MED13L: variants seen among roughly 807,000 people sequenced by gnomAD.
The protein encoded by MED13L is mediator of RNA polymerase II transcription subunit 13-like.
Under a neutral mutation model 220.9 loss-of-function variants are expected in MED13L, and 7 were observed. The ratio of observed to expected loss-of-function variants is 0.03; its 90% CI spans 0.02 to 0.06. MED13L has a LOEUF of 0.06. Ranked by LOEUF, MED13L falls within the 10% of genes least tolerant of loss-of-function variation. MED13L has a pLI of 1.00. For synonymous variants in MED13L, 1,011 were observed against 1,015.2 expected (o/e 1.00, Z 0.08); for missense variants, 1,965 against 2,760.5 (o/e 0.71, Z 6.46).
intron 2 of MED13L, among the ~76,000 whole-genome samples, chr12:116,193,126 C>T (rs954329589): frequency 6.6e-6 from 1 of 151,954 alleles, no homozygotes; most frequent in African/African-American, 2.4e-5. Flanking sequence ...AAGACGCCTT[C>T]TCAAAAAGAA....
chr12:116,130,028 T>C (rs1229424825), intron 2 of MED13L, among the ~76,000 whole-genome samples: 1 of 152,244 alleles, frequency 6.6e-6, no homozygotes, highest in African/African-American at 2.4e-5. Context: ...TCAATGCTTT[T>C]GTCTAAAAGA....
intron 22 of MED13L, among the ~76,000 whole-genome samples, chr12:115,981,163 G>C (rs1218676840): frequency 6.6e-6 from 1 of 152,120 alleles, no homozygotes; most frequent in Non-Finnish European, 1.5e-5. Context: ...AAAGATGTAC[G>C]ATTATGTTGG....
intron 4 of MED13L, among the ~76,000 whole-genome samples, chr12:116,073,235 T>C (rs1870524385): frequency 6.6e-6 from 1 of 152,196 alleles, no homozygotes; most frequent in Admixed American, 6.5e-5. Context: ...ACTTAAATCA[T>C]GGAAGGCAAT....
chr12:116,092,386 G>A (rs905613039), intron 4 of MED13L, among the ~76,000 whole-genome samples: 12 of 152,200 alleles, frequency 7.9e-5, no homozygotes, highest in African/African-American at 2.9e-4. Flanking sequence ...GAGGAGGATG[G>A]AGAGAAGGCG....
chr12:116,172,857 GC>G (rs1879777872), intron 2 of MED13L, among the ~76,000 whole-genome samples: 2 of 148,430 alleles, frequency 1.3e-5, no homozygotes. Context: ...CATCCTTCCT[GC>G]CACAGTGTCT....
chr12:116,226,030 A>C (rs1447549353), intron 2 of MED13L, among the ~76,000 whole-genome samples: 1 of 151,714 alleles, frequency 6.6e-6, no homozygotes, highest in Non-Finnish European at 1.5e-5. Flanking sequence ...TTTCAACACA[A>C]AGCCACTTCA....
chr12:116,258,732 C>CA (rs1872258092), intron 1 of MED13L, among the ~76,000 whole-genome samples: 1 of 146,738 alleles, frequency 6.8e-6, no homozygotes, highest in South Asian at 2.2e-4. Flanking sequence ...AGCGAGATTA[C>CA]ACCACTGCAC....
intron 3 of MED13L, among the ~76,000 whole-genome samples, chr12:116,101,566 T>C (rs1296650948): frequency 6.6e-6 from 1 of 152,224 alleles, no homozygotes; most frequent in East Asian, 1.9e-4. Flanking sequence ...ATTTCAATTC[T>C]TTATAGCCCA....
At chr12:116,049,684 T>C (rs1016091901) in intron 4 of MED13L, among the ~76,000 whole-genome samples, 3 of 152,176 alleles carry the variant, frequency 2.0e-5, no homozygotes, top group Non-Finnish European at 2.9e-5. Context: ...AAATATAACA[T>C]GCATGGACAT....
intron 30 of MED13L, among the ~76,000 whole-genome samples, chr12:115,961,972 A>C (rs888681632): frequency 1.3e-5 from 2 of 152,196 alleles, no homozygotes; most frequent in Non-Finnish European, 2.9e-5. Context: ...CTCCAAAAAA[A>C]AAAGAAAAAG....
chr12:116,018,161 A>T (rs1319496821), intron 7 of MED13L, among the ~76,000 whole-genome samples: 11 of 152,208 alleles, frequency 7.2e-5, no homozygotes, highest in Admixed American at 7.2e-4. Flanking sequence ...ACGGTAAAGT[A>T]TGTATTTATC....
At chr12:116,208,581 C>A (rs1341438742) in intron 2 of MED13L, among the ~76,000 whole-genome samples, 1 of 152,184 alleles carries the variant, frequency 6.6e-6, no homozygotes, top group Non-Finnish European at 1.5e-5. Flanking sequence ...CTATTTAAAT[C>A]ACACCTGTCA....
At position 115,966,390 on chromosome 12, in the gene MED13L, A is replaced by G; in HGVS notation, c.6226-147T>C. 4.4e-6 allele frequency: 4 copies of G among 901,480 alleles called. No homozygotes were observed. In the Admixed American group the frequency reaches 6.1e-5, roughly 14 times the overall value. The allele number at this position is 901,480 out of a possible 1,614,324, so 55.8% of individuals were successfully genotyped here. On this transcript the variant is annotated intron_variant, in intron 28 of 30. Transcript: ENST00000281928. ...AAACAACAGGTGACTGAGAAAGGTA[A>G]GCGGGGCCAGCATCGTCTTTGCTGC...
At chr12:116,163,410 G>A (rs941024394) in intron 2 of MED13L, among the ~76,000 whole-genome samples, 3 of 144,704 alleles carry the variant, frequency 2.1e-5, no homozygotes, top group African/African-American at 5.2e-5. Flanking sequence ...TGTCACCCAC[G>A]CTGGAGGGCA....
rs576460925 is a variant in MED13L, at chr12:115,988,527, C to T, written c.3935-1239G>A. On this transcript the variant is annotated intron_variant, in intron 17 of 30. Transcript: ENST00000281928. ...ATATAGTAAACAACAACAGTGAATACTTCTTGTATTAATGGCTCTATCAAA... is the reference window on the plus strand; with the variant it reads ...ATATAGTAAACAACAACAGTGAATATTTCTTGTATTAATGGCTCTATCAAA... Among the ~76,000 whole-genome samples, 8 of 152,292 alleles carry T rather than the reference C, an allele frequency of 5.3e-5. No individual in the cohort carries two copies. The East Asian group carries it at 1.5e-3, about 29-fold the overall frequency.
At chr12:116,114,493 TC>T (rs1016327986) in intron 2 of MED13L, among the ~76,000 whole-genome samples, 2 of 152,132 alleles carry the variant, frequency 1.3e-5, no homozygotes, top group African/African-American at 4.8e-5. Flanking sequence ...ACTTTCTTCT[TC>T]AAACAAACAA....
At chr12:116,149,798 A>G (rs1196859830) in intron 2 of MED13L, among the ~76,000 whole-genome samples, 2 of 152,230 alleles carry the variant, frequency 1.3e-5, no homozygotes, top group Non-Finnish European at 2.9e-5. Flanking sequence ...GAGATGAGTA[A>G]GTGGACATTA....
intron 3 of MED13L, among the ~76,000 whole-genome samples, chr12:116,106,763 T>C (rs1448006414): frequency 6.6e-6 from 1 of 151,370 alleles, no homozygotes; most frequent in African/African-American, 2.4e-5. Context: ...GGTGAATCGC[T>C]TGAAACCGAG....
chr12:116,107,026 C>T lies in MED13L; in HGVS notation c.395+4402G>A, dbSNP rs558386395. ...TTGAGCTCTTACAATGAGAAAGGTA[C>T]TGTGCTGAGCCAAAGAACCCTTCAC... On this transcript the variant is annotated intron_variant, in intron 3 of 30. Transcript: ENST00000281928. Among the ~76,000 whole-genome samples, 5 of 152,182 alleles carry T rather than the reference C, an allele frequency of 3.3e-5. No homozygotes were observed. The East Asian group carries it at 9.7e-4, about 29-fold the overall frequency.
Sources: allele counts gnomAD v4.1 joint callset (sites outside exome capture counted in the v4.1 genomes callset), GRCh38; gene constraint gnomAD v4.1.1; transcripts MANE v1.5; gene names NCBI Gene and HGNC (gene_info 2026-07-23, HGNC 2026-07-21).